CRYGS: variants seen among roughly 807,000 people sequenced by gnomAD.
CRYGS encodes gamma-crystallin S.
CRYGS carries 13 observed loss-of-function variants against 21.3 expected under a neutral mutation model. That is an observed-to-expected ratio of 0.61 (90% confidence interval 0.40 to 0.97). CRYGS has a LOEUF of 0.97. Ranked by LOEUF, CRYGS falls within the 50% of genes least tolerant of loss-of-function variation. The probability of loss-of-function intolerance (pLI) is 0.00; values close to 1 mark genes in which losing one functional copy is unlikely to be tolerated. For synonymous variants in CRYGS, 67 were observed against 75.0 expected (o/e 0.89, Z 0.55); for missense variants, 205 against 229.7 (o/e 0.89, Z 0.69).
At chr3:186,543,450 C>G (rs1292207496) in intron 1 of CRYGS, among the ~76,000 whole-genome samples, 1 of 151,992 alleles carries the variant, frequency 6.6e-6, no homozygotes, top group Non-Finnish European at 1.5e-5. Context: ...AGATACATGC[C>G]TAAATACTTA....
intron 1 of CRYGS, chr3:186,539,871 C>T: frequency 9.6e-6 from 4 of 415,402 alleles, no homozygotes; most frequent in South Asian, 8.9e-5. Context: ...CATTTTCCTT[C>T]CTTTATGTTC....
At chr3:186,544,274 C>G (rs16860883) in intron 1 of CRYGS, 32 bp downstream of exon 1, 2 of 1,540,562 alleles carry the variant, frequency 1.3e-6, no homozygotes, top group African/African-American at 1.4e-5. Context: ...AGGTGAAAAG[C>G]GGGTAGGCTA....
chr3:186,539,445 G>T lies in CRYGS; in HGVS notation c.174C>A (p.Tyr58Ter). ...AVYERPNFAG[Y>*]MYILPQGEYP... is the part of the protein sequence containing the mutation. ...ACTCTCCCTGTGGTAAGATGTACAT[G>T]TACCCAGCAAAGTTGGGCCTTTCAT... is the stretch of plus-strand genomic sequence containing the variant. The change falls in exon 2 of 3, where the codon TAC (tyrosine) becomes TAA (stop). Residue 58 changes from tyrosine (Y) to a stop codon, truncating the protein, a stop_gained. Coordinates refer to ENST00000307944, the MANE Select transcript of CRYGS (RefSeq NM_017541.4). LOFTEE classifies it high-confidence loss of function. 1 of 1,612,740 alleles carries T rather than the reference G, an allele frequency of 6.2e-7. No homozygotes were observed. Among genetic ancestry groups the T allele is most frequent in the Non-Finnish European group, 8.5e-7 (1 of 1,180,014 alleles).
At chr3:186,544,207 T>C (rs1187704650) in intron 1 of CRYGS, 99 bp downstream of exon 1, 8 of 834,134 alleles carry the variant, frequency 9.6e-6, no homozygotes. Flanking sequence ...CTAACCACTA[T>C]CATACTCACC....
intron 1 of CRYGS, chr3:186,540,715 A>C (rs941822954): frequency 7.2e-6 from 7 of 972,698 alleles, no homozygotes; most frequent in East Asian, 1.1e-4. Flanking sequence ...TACTTTATGG[A>C]TTTCACGGGC....
chr3:186,539,071 T>C, intron 2 of CRYGS, 103 bp from the exon 3 acceptor site: 5 of 1,365,902 alleles, frequency 3.7e-6, no homozygotes, highest in Non-Finnish European at 5.1e-6. Context: ...CCTTGAAAGC[T>C]AGATGATCTG....
intron 1 of CRYGS, 151 bp downstream of exon 1, chr3:186,544,155 T>G: frequency 1.4e-6 from 1 of 708,868 alleles, no homozygotes; most frequent in Non-Finnish European, 2.6e-6. Flanking sequence ...GGGTGGAAAA[T>G]ATAATAAGCA....
intron 1 of CRYGS, among the ~76,000 whole-genome samples, chr3:186,543,809 A>G (rs1177195526): frequency 6.6e-6 from 1 of 152,218 alleles, no homozygotes; most frequent in African/African-American, 2.4e-5. Context: ...ACTGTAAGGG[A>G]GCACTTTATT....
chr3:186,541,663 T>A (rs1714070591), intron 1 of CRYGS, among the ~76,000 whole-genome samples: 1 of 152,166 alleles, frequency 6.6e-6, no homozygotes, highest in South Asian at 2.1e-4. Context: ...GCAATAAGCT[T>A]TTGCTACAGT....
chr3:186,542,973 G>GA lies in CRYGS; in HGVS notation c.21+1332dup, dbSNP rs952182882. Among the ~76,000 whole-genome samples, 8 of 150,868 alleles carry GA rather than the reference G, an allele frequency of 5.3e-5. No individual in the cohort carries two copies. The South Asian group carries it at 8.4e-4, about 16-fold the overall frequency. ...ATGATTATTAGTTCTATTTTCCAAT[G>GA]AAAAAAAAATCAAGCACTAATAAAT... is the stretch of plus-strand genomic sequence containing the variant. On this transcript the variant is annotated intron_variant, in intron 1 of 2. Coordinates refer to ENST00000307944, the MANE Select transcript of CRYGS (RefSeq NM_017541.4).
At chr3:186,544,210 T>C (rs1427515152) in intron 1 of CRYGS, 96 bp downstream of exon 1, 3 of 843,124 alleles carry the variant, frequency 3.6e-6, no homozygotes, top group South Asian at 1.3e-5. Flanking sequence ...ACCACTATCA[T>C]ACTCACCTCT....
rs1488945935 is a variant in CRYGS, at chr3:186,538,786, C to A, written c.447G>T (p.Gln149His). 1 of 1,614,160 alleles carries A rather than the reference C, an allele frequency of 6.2e-7. No individual in the cohort carries two copies. The highest frequency in any genetic ancestry group is 8.5e-7 in the Non-Finnish European group (1 of 1,180,032). Residue 149 changes from glutamine to histidine, a missense_variant, in exon 3 of 3, where the codon CAG (glutamine) becomes CAT (histidine). Coordinates refer to ENST00000307944, the MANE Select transcript of CRYGS (RefSeq NM_017541.4). ...FYELPNYRGR[Q>H]YLLDKKEYRK... ...GGTACTCCTTCTTGTCCAGGAGGTA[C>A]TGCCTGCCACGGTAGTTGGGTAGCT... is the stretch of plus-strand genomic sequence containing the variant.
chr3:186,543,861 G>A (rs1010985804), intron 1 of CRYGS, among the ~76,000 whole-genome samples: 8 of 152,194 alleles, frequency 5.3e-5, no homozygotes, highest in Non-Finnish European at 1.2e-4. Flanking sequence ...GAAGAGAGAT[G>A]TAGGACTTTA....
chr3:186,539,553 G>A lies in CRYGS; in HGVS notation c.66C>T (p.Asp22=), dbSNP rs1198150576. The change falls in exon 2 of 3, where the codon GAC becomes GAT. Residue 22 remains aspartate (D), a synonymous_variant. Coordinates refer to ENST00000307944, the MANE Select transcript of CRYGS (RefSeq NM_017541.4). ...EDKNFQGRRY[D]CDCDCADFHT... ...GGAAATCTGCACAGTCGCAATCACA[G>A]TCATAGCGACGGCCTTGAAAATTTT... The A allele has an allele frequency of 6.2e-7, 1 of 1,614,144 alleles. No individual in the cohort carries two copies. The highest frequency in any genetic ancestry group is 8.5e-7 in the Non-Finnish European group (1 of 1,180,020).
intron 1 of CRYGS, among the ~76,000 whole-genome samples, chr3:186,542,964 T>C (rs1714103462): frequency 6.6e-6 from 1 of 152,110 alleles, no homozygotes; most frequent in African/African-American, 2.4e-5. Context: ...ATTAGTTCTA[T>C]TTTCCAATGA....
At chr3:186,539,232 A>G in intron 2 of CRYGS, 123 bp downstream of exon 2, 3 of 1,378,050 alleles carry the variant, frequency 2.2e-6, no homozygotes, top group Non-Finnish European at 3.0e-6. Context: ...CTCAAGCCTC[A>G]GCAGCCAACA....
intron 1 of CRYGS, chr3:186,540,940 A>C (rs1313909090): frequency 1.3e-5 from 2 of 152,464 alleles, no homozygotes; most frequent in Admixed American, 6.5e-5. Flanking sequence ...GTGGTGAAGT[A>C]CTAGAAAATA....
At position 186,539,588 on chromosome 3, in the gene CRYGS, A is replaced by G; in HGVS notation, c.31T>C (p.Tyr11His). Reference sequence around the variant, plus strand: ...CGGCCTTGAAAATTTTTGTCTTCATAGAAAGTAATCTGAAGTAGAGGGCCA... The same window carrying G: ...CGGCCTTGAAAATTTTTGTCTTCATGGAAAGTAATCTGAAGTAGAGGGCCA... Reference protein sequence around the residue: MSKTGTKITFYEDKNFQGRRY... With the variant: MSKTGTKITFHEDKNFQGRRY... Residue 11 changes from tyrosine (Y) to histidine (H), a missense_variant, in exon 2 of 3, where the codon TAT becomes CAT. Physicochemically the swap from Tyr to His is moderately conservative, Grantham distance 83. Coordinates refer to ENST00000307944, the MANE Select transcript of CRYGS (RefSeq NM_017541.4). 1.2e-6 allele frequency: 2 copies of G among 1,614,054 alleles called. No homozygotes were observed. Among genetic ancestry groups the G allele is most frequent in the Non-Finnish European group, 1.7e-6 (2 of 1,179,894 alleles).
rs1180736255 is a variant in CRYGS, at chr3:186,539,398, A to T, written c.221T>A (p.Met74Lys). The T allele has an allele frequency of 1.9e-6, 3 of 1,612,208 alleles. No individual in the cohort carries two copies. The highest frequency in any genetic ancestry group is 2.5e-6 in the Non-Finnish European group (3 of 1,179,988). ...GGAGCTGAGGCGGTCGTTGAGGCCC[A>T]TCCAACGCTGGTATTCAGGGTACTC... ...QGEYPEYQRW[M>K]GLNDRLSSCR... The change falls in exon 2 of 3, where the codon ATG (methionine) becomes AAG (lysine). Residue 74 changes from methionine to lysine, a missense_variant. By Grantham distance (95) the Met-to-Lys change is moderately conservative (BLOSUM62 -1). Coordinates refer to ENST00000307944, the MANE Select transcript of CRYGS (RefSeq NM_017541.4).
Sources: allele counts gnomAD v4.1 joint callset (sites outside exome capture counted in the v4.1 genomes callset), GRCh38; gene constraint gnomAD v4.1.1; transcripts MANE v1.5; gene names NCBI Gene and HGNC (gene_info 2026-07-23, HGNC 2026-07-21).